TMEM232: variants seen among roughly 807,000 people sequenced by gnomAD.
TMEM232 encodes the protein transmembrane protein 232.
In TMEM232, 80 loss-of-function variants were observed where a neutral mutation model predicts 78.8. The observed-to-expected ratio is 1.01, with a 90% CI of 0.85 to 1.22. TMEM232 has a LOEUF of 1.22. TMEM232 is among the 50% of genes most tolerant of loss of function. TMEM232 has a pLI of 0.00. For missense variants in TMEM232, 881 were observed against 742.2 expected (o/e 1.19, Z -2.17); for synonymous variants, 297 against 254.3 (o/e 1.17, Z -1.60).
At chr5:110,535,259 C>T (rs1479520186) in intron 11 of TMEM232, among the ~76,000 whole-genome samples, 2 of 152,094 alleles carry the variant, frequency 1.3e-5, no homozygotes, top group African/African-American at 4.8e-5. Context: ...TAACTGATGA[C>T]ATTATCTTGT....
intron 13 of TMEM232, among the ~76,000 whole-genome samples, chr5:110,423,782 T>TGC (rs781227744): frequency 7.2e-6 from 1 of 138,938 alleles, no homozygotes; most frequent in Non-Finnish European, 1.6e-5. Context: ...TATGCGTGCG[T>TGC]GTGTGTGTGT....
At chr5:110,616,286 T>A (rs368971128) in intron 8 of TMEM232, among the ~76,000 whole-genome samples, 2 of 152,066 alleles carry the variant, frequency 1.3e-5, no homozygotes, top group East Asian at 1.9e-4. Context: ...TCAATTCATT[T>A]TTGACAGTTA....
chr5:110,452,299 G>A (rs1169284877), intron 12 of TMEM232, among the ~76,000 whole-genome samples: 2 of 152,052 alleles, frequency 1.3e-5, no homozygotes, highest in African/African-American at 4.8e-5. Context: ...TTGTCTACCT[G>A]GTTGGTTAAT....
At chr5:110,737,624 A>T (rs1335293480) in intron 1 of TMEM232, among the ~76,000 whole-genome samples, 1 of 152,204 alleles carries the variant, frequency 6.6e-6, no homozygotes, top group Non-Finnish European at 1.5e-5. Flanking sequence ...GACTTTTTAT[A>T]TGATATTATC....
chr5:110,533,478 T>G (rs1431457831), intron 11 of TMEM232, among the ~76,000 whole-genome samples: 1 of 152,250 alleles, frequency 6.6e-6, no homozygotes, highest in South Asian at 2.1e-4. Context: ...CTCATGTCTG[T>G]GTGCAGCAGC....
At chr5:110,683,716 C>A (rs17505075) in intron 1 of TMEM232, among the ~76,000 whole-genome samples, 6,107 of 151,716 alleles carry the variant, frequency 0.04, 187 homozygotes, top group Non-Finnish European at 0.057. Flanking sequence ...TTGAGCCACT[C>A]AAGGTTATAG....
At chr5:110,700,825 G>GATAA (rs1269419036) in intron 1 of TMEM232, among the ~76,000 whole-genome samples, 1 of 149,976 alleles carries the variant, frequency 6.7e-6, no homozygotes, top group African/African-American at 2.5e-5. Flanking sequence ...TAGATAGATA[G>GATAA]ATATAATAGA....
intron 12 of TMEM232, among the ~76,000 whole-genome samples, chr5:110,435,127 T>C (rs1221117828): frequency 6.6e-6 from 1 of 151,754 alleles, no homozygotes; most frequent in African/African-American, 2.4e-5. Context: ...AAAGAGAAAG[T>C]CAAATTATTT....
At chr5:110,672,316 T>G (rs557189205) in intron 1 of TMEM232, among the ~76,000 whole-genome samples, 31 of 152,312 alleles carry the variant, frequency 2.0e-4, no homozygotes, top group Admixed American at 7.2e-4. Context: ...AATGCCCTGT[T>G]AAAGAAACTT....
chr5:110,490,125 G>GA (rs781254893), intron 12 of TMEM232, among the ~76,000 whole-genome samples: 2 of 38,848 alleles, frequency 5.1e-5, no homozygotes, highest in African/African-American at 2.2e-4. Context: ...GTTTCAAAAA[G>GA]AAAGAAAGAA....
chr5:110,554,421 T>G (rs1774831977), intron 11 of TMEM232, among the ~76,000 whole-genome samples: 1 of 152,152 alleles, frequency 6.6e-6, no homozygotes, highest in Non-Finnish European at 1.5e-5. Context: ...GACCTTGTGA[T>G]CATGTGAGTT....
chr5:110,564,632 T>C (rs140848608), intron 11 of TMEM232, among the ~76,000 whole-genome samples: 35 of 152,032 alleles, frequency 2.3e-4, no homozygotes, highest in Non-Finnish European at 4.4e-4. Flanking sequence ...ACAATAGGCG[T>C]GAACCCATGC....
At chr5:110,413,330 G>A (rs1305007490) in intron 2 of TMEM232, among the ~76,000 whole-genome samples, 2 of 152,092 alleles carry the variant, frequency 1.3e-5, no homozygotes, top group Non-Finnish European at 1.5e-5. Flanking sequence ...TTTTCCAGGG[G>A]CTCTCAGGCC....
At chr5:110,657,381 C>CTGTGTGTG (rs1234859136) in intron 2 of TMEM232, among the ~76,000 whole-genome samples, 1 of 75,426 alleles carries the variant, frequency 1.3e-5, no homozygotes, top group African/African-American at 4.1e-5. Flanking sequence ...GGATATCTAT[C>CTGTGTGTG]TGAGTGTGTG....
chr5:110,642,448 G>A, intron 2 of TMEM232, 77 bp from the exon 3 acceptor site: 2 of 994,192 alleles, frequency 2.0e-6, no homozygotes, highest in Non-Finnish European at 1.4e-6. Flanking sequence ...AACTTCCAGT[G>A]GCTATGTATA....
At chr5:110,525,927 A>T (rs77630165) in intron 12 of TMEM232, among the ~76,000 whole-genome samples, 3,091 of 150,768 alleles carry the variant, frequency 0.021, 76 homozygotes, top group African/African-American at 0.057. Context: ...AAAGTTGGCA[A>T]TTAAAATCAG....
intron 2 of TMEM232, among the ~76,000 whole-genome samples, chr5:110,663,520 A>G (rs1561475996): frequency 2.0e-5 from 3 of 152,004 alleles, no homozygotes; most frequent in African/African-American, 7.3e-5. Context: ...TAAATCTAAG[A>G]CAATACCCAT....
At chr5:110,702,772 G>A (rs531918871) in intron 1 of TMEM232, among the ~76,000 whole-genome samples, 2 of 152,020 alleles carry the variant, frequency 1.3e-5, no homozygotes, top group East Asian at 1.9e-4. Context: ...TGTCCCTTGT[G>A]GACATCATAG....
chr5:110,388,720 A>G (rs998275007), intron 4 of TMEM232, among the ~76,000 whole-genome samples: 3 of 152,192 alleles, frequency 2.0e-5, no homozygotes, highest in African/African-American at 7.2e-5. Context: ...GTTGAAGGCC[A>G]TATAAATAGC....
Sources: gnomAD v4.1 joint callset for allele counts (sites outside exome capture counted in the v4.1 genomes callset) on GRCh38, gnomAD v4.1.1 for gene constraint, MANE v1.5 for transcripts, NCBI Gene and HGNC (gene_info 2026-07-23, HGNC 2026-07-21) for gene names.